PIGN: variants seen among roughly 807,000 people sequenced by gnomAD.
PIGN encodes phosphatidylinositol glycan anchor biosynthesis class N, also known as GPI ethanolamine phosphate transferase 1.
Under a neutral mutation model 125.4 loss-of-function variants are expected in PIGN, and 117 were observed. That is an observed-to-expected ratio of 0.93 (90% confidence interval 0.80 to 1.09). PIGN has a LOEUF of 1.09. Ranked by LOEUF, PIGN falls within the 50% of genes least tolerant of loss-of-function variation. The pLI, the probability that PIGN is intolerant of heterozygous loss-of-function variation, is 0.00. For synonymous variants in PIGN, 392 were observed against 377.8 expected, an observed-to-expected ratio of 1.04 and a Z score of -0.44; for missense variants, 1,075 against 1,094.9, an observed-to-expected ratio of 0.98 and a Z score of 0.26.
chr18:62,068,297 TCTCA>T (rs1217183314), intron 30 of PIGN, among the ~76,000 whole-genome samples: 3 of 152,158 alleles, frequency 2.0e-5, no homozygotes, highest in Non-Finnish European at 4.4e-5. Flanking sequence ...CACATTACTG[TCTCA>T]CTGAGTCTGA....
chr18:62,123,890 A>G (rs72941850), intron 14 of PIGN, among the ~76,000 whole-genome samples: 35,997 of 151,360 alleles, frequency 0.24, 4,521 homozygotes, highest in Middle Eastern at 0.38. Flanking sequence ...TTTATCACAT[A>G]TTATAACTCA....
intron 1 of PIGN, among the ~76,000 whole-genome samples, chr18:62,180,807 C>T (rs1437065569): frequency 6.6e-6 from 1 of 151,962 alleles, no homozygotes; most frequent in Non-Finnish European, 1.5e-5. Flanking sequence ...TTCATAGGGC[C>T]TTTTGTTAAA....
At chr18:62,089,762 C>T (rs947503224) in intron 24 of PIGN, among the ~76,000 whole-genome samples, 7 of 152,036 alleles carry the variant, frequency 4.6e-5, no homozygotes, top group African/African-American at 1.2e-4. Flanking sequence ...AGCCATATAA[C>T]GATGGATCAA....
At chr18:62,169,317 C>T (rs2037265486) in intron 1 of PIGN, among the ~76,000 whole-genome samples, 2 of 152,324 alleles carry the variant, frequency 1.3e-5, no homozygotes, top group South Asian at 4.1e-4. Context: ...TTCCATTGCA[C>T]AGATATAGCA....
chr18:62,116,164 C>T (rs2035079302), intron 14 of PIGN, among the ~76,000 whole-genome samples: 1 of 152,164 alleles, frequency 6.6e-6, no homozygotes, highest in South Asian at 2.1e-4. Context: ...GTTCTCTGTA[C>T]CTTCAGATAC....
chr18:62,150,542 C>T (rs1378128459), intron 7 of PIGN, among the ~76,000 whole-genome samples: 1 of 151,992 alleles, frequency 6.6e-6, no homozygotes, highest in Non-Finnish European at 1.5e-5. Context: ...ACCTTTGAGG[C>T]CATTATACTA....
chr18:62,033,842 C>T (rs779510924), intron 23 of PIGN, among the ~76,000 whole-genome samples: 2 of 152,188 alleles, frequency 1.3e-5, no homozygotes, highest in Non-Finnish European at 2.9e-5. Flanking sequence ...AGCCTGTAAA[C>T]AAATTTAATA....
At position 62,157,702 on chromosome 18, in the gene PIGN, T is replaced by A; in HGVS notation, c.328A>T (p.Ser110Cys). ...TAGACAATACCTTTGGCAACTGCAC[T>A]GACATCTTCATAAAACCCAGCTATC... is the stretch of plus-strand genomic sequence containing the variant. ...ALIAGFYEDV[S>C]AVAKGWKENP... The change falls in exon 5 of 31, where the codon AGT (serine) becomes TGT (cysteine). Residue 110 changes from serine to cysteine, a missense_variant. Coordinates refer to ENST00000640252, the MANE Select transcript of PIGN (RefSeq NM_176787.5). The A allele has an allele frequency of 6.2e-7, 1 of 1,611,462 alleles. No homozygotes were observed. The highest frequency in any genetic ancestry group is 1.1e-5 in the South Asian group (1 of 90,380).
intron 1 of PIGN, among the ~76,000 whole-genome samples, chr18:62,183,423 T>C (rs547092292): frequency 6.6e-6 from 1 of 152,198 alleles, no homozygotes; most frequent in Non-Finnish European, 1.5e-5. Context: ...CCCCTTCTTT[T>C]ATTCAAGTAT....
At chr18:62,103,604 A>G (rs181804396) in intron 20 of PIGN, 2 of 152,350 alleles carry the variant, frequency 1.3e-5, no homozygotes, top group Admixed American at 6.5e-5. Context: ...TAACATCTGA[A>G]TAACATAGCA....
At chr18:62,161,920 G>A (rs990590718) in intron 3 of PIGN, among the ~76,000 whole-genome samples, 3 of 151,550 alleles carry the variant, frequency 2.0e-5, no homozygotes, top group African/African-American at 7.3e-5. Context: ...TGGTATTCTG[G>A]CTCTCTTGAC....
At position 62,095,917 on chromosome 18, in the gene PIGN, G is replaced by A; in HGVS notation, c.2111C>T (p.Pro704Leu). 6.2e-7 allele frequency: 1 copy of A among 1,612,708 alleles called. No individual in the cohort carries two copies. Among genetic ancestry groups the A allele is most frequent in the Non-Finnish European group, 8.5e-7 (1 of 1,178,944 alleles). Residue 704 changes from proline (P) to leucine (L), a missense_variant, in exon 23 of 31, where the codon CCA (proline) becomes CTA (leucine). Around this residue, in one of 3 missense-constraint regions of PIGN, gnomAD observed 915 missense variants for 908.7 expected, o/e 1.01. Coordinates refer to ENST00000640252, the MANE Select transcript of PIGN (RefSeq NM_176787.5). The stretch of plus-strand genomic sequence containing the variant: ...GCTGAACAATCGCTGAAAGAGAACT[G>A]GAGAACTCAGTAGTGGCACAACCAA... The part of the protein sequence containing the change: ...SSLVVPLLSS[P>L]VLFQRLFSIL...
intron 14 of PIGN, among the ~76,000 whole-genome samples, chr18:62,115,340 A>G (rs2146628518): frequency 6.6e-6 from 1 of 152,334 alleles, no homozygotes; most frequent in Admixed American, 6.5e-5. Context: ...AGGAAATATA[A>G]CCAGAATTTA....
At chr18:62,021,827 A>G (rs2144862758) in intron 23 of PIGN, among the ~76,000 whole-genome samples, 1 of 152,312 alleles carries the variant, frequency 6.6e-6, no homozygotes, top group South Asian at 2.1e-4. Flanking sequence ...GGGTCTCACA[A>G]AGCTGAAATC....
In PIGN at chr18:62,032,168, C is replaced by G. The variant is rs547456687; in HGVS notation, c.2143-14427G>C. Among the ~76,000 whole-genome samples, 35 of 152,246 alleles carry G rather than the reference C, an allele frequency of 2.3e-4. 1 individual carries two copies. The South Asian group carries it at 7.0e-3, about 31-fold the overall frequency. On this transcript the variant is annotated intron_variant, in intron 23 of 24. Coordinates refer to the PIGN transcript ENST00000639600. ...TCCTTCATTGTATCTGCAGCGACTC[C>G]TTTTTTCCTAATAAGGTCACATTCA...
At chr18:62,119,571 C>A (rs1173766879) in intron 14 of PIGN, among the ~76,000 whole-genome samples, 1 of 151,752 alleles carries the variant, frequency 6.6e-6, no homozygotes, top group African/African-American at 2.4e-5. Flanking sequence ...GGGCTGGGTG[C>A]GATGGCTCAC....
At position 62,062,774 on chromosome 18, in the gene PIGN, G is replaced by A. The variant is rs77292110; in HGVS notation, c.2672+9899C>T. Among the ~76,000 whole-genome samples, 1,489 of 151,740 alleles carry A rather than the reference G, an allele frequency of 9.8e-3. 48 individuals carry two copies. Among genetic ancestry groups the A allele is most frequent in the East Asian group, 0.069 (356 of 5,162 alleles). On this transcript the variant is annotated intron_variant, in intron 30 of 30. Transcript: ENST00000640252. ...ACACCCTTTTCTCATGGCTAGTACC[G>A]GGTGGTGGTGGTTATAAATGCATTC... is the stretch of plus-strand genomic sequence containing the variant.
intron 30 of PIGN, among the ~76,000 whole-genome samples, chr18:62,058,437 A>G (rs900374035): frequency 1.3e-5 from 2 of 152,238 alleles, no homozygotes; most frequent in African/African-American, 4.8e-5. Context: ...TTGAAATAGC[A>G]TCAACAGAAG....
intron 30 of PIGN, among the ~76,000 whole-genome samples, chr18:62,065,212 T>C (rs1034952555): frequency 2.0e-5 from 3 of 152,160 alleles, no homozygotes; most frequent in Non-Finnish European, 4.4e-5. Flanking sequence ...TCCCCTCCTT[T>C]CCTTTTTTTA....
Sources: gnomAD v4.1 joint callset for allele counts (sites outside exome capture counted in the v4.1 genomes callset) on GRCh38, gnomAD v4.1.1 for gene constraint, gnomAD v4.1.1 regional missense constraint, MANE v1.5 for transcripts, NCBI Gene and HGNC (gene_info 2026-07-23, HGNC 2026-07-21) for gene names.